The following ZMAT4 variants were observed in gnomAD, a reference collection of about 807,000 sequenced individuals.
ZMAT4 encodes zinc finger matrin-type protein 4.
A neutral mutation model predicts 28.7 loss-of-function variants in ZMAT4; 17 were observed. That is an observed-to-expected ratio of 0.59 (90% CI 0.41 to 0.89). The LOEUF (loss-of-function observed/expected upper bound fraction) is 0.89, where lower values mean the gene tolerates loss of function less well. ZMAT4 is among the 40% of genes least tolerant of loss of function. The pLI is 0.00. For missense variants in ZMAT4, 240 were observed against 283.8 expected (o/e 0.85, Z 1.11); for synonymous variants, 117 against 109.2 (o/e 1.07, Z -0.44).
At chr8:40,700,577 C>T (rs1033563369) in intron 3 of ZMAT4, among the ~76,000 whole-genome samples, 2 of 152,052 alleles carry the variant, frequency 1.3e-5, no homozygotes, top group Non-Finnish European at 2.9e-5. Context: ...TGCCACTACA[C>T]CTGGATAATA....
intron 1 of ZMAT4, among the ~76,000 whole-genome samples, chr8:40,827,640 G>A (rs1438108912): frequency 1.3e-5 from 2 of 152,220 alleles, no homozygotes; most frequent in African/African-American, 4.8e-5. Context: ...AATAATGCCT[G>A]TGGTTTTTCA....
At chr8:40,691,334 G>A (rs1809653268) in intron 4 of ZMAT4, among the ~76,000 whole-genome samples, 1 of 151,590 alleles carries the variant, frequency 6.6e-6, no homozygotes, top group Non-Finnish European at 1.5e-5. Flanking sequence ...GCTCTTGGGG[G>A]CCATTTTAAA....
At chr8:40,741,432 G>T (rs1358698692) in intron 3 of ZMAT4, among the ~76,000 whole-genome samples, 1 of 146,590 alleles carries the variant, frequency 6.8e-6, no homozygotes, top group Non-Finnish European at 1.5e-5. Flanking sequence ...GGACGAAAGA[G>T]CGGAAGTCTG....
intron 6 of ZMAT4, among the ~76,000 whole-genome samples, chr8:40,540,490 C>CAAACAAAG (rs1802994841): frequency 6.6e-6 from 1 of 152,118 alleles, no homozygotes; most frequent in Non-Finnish European, 1.5e-5. Context: ...AATTTGGGAC[C>CAAACAAAG]CTCCTAGACC....
intron 4 of ZMAT4, chr8:40,690,893 C>A: frequency 1.4e-5 from 14 of 984,804 alleles, no homozygotes; most frequent in Non-Finnish European, 1.7e-5. Context: ...ACAATACATG[C>A]AATGAATGAG....
intron 1 of ZMAT4, among the ~76,000 whole-genome samples, chr8:40,882,999 G>A (rs1818333666): frequency 6.6e-6 from 1 of 152,156 alleles, no homozygotes; most frequent in Non-Finnish European, 1.5e-5. Context: ...TGAACCCAGT[G>A]TGCTGGACCC....
chr8:40,885,394 G>A (rs1038936873), intron 1 of ZMAT4, among the ~76,000 whole-genome samples: 5 of 152,020 alleles, frequency 3.3e-5, no homozygotes, highest in South Asian at 4.1e-4. Flanking sequence ...GTTACCATCC[G>A]ACCCGAGCCA....
chr8:40,891,244 AAGGGGGAAGGGGGAGGGGGG>A (rs1818666436), intron 1 of ZMAT4, among the ~76,000 whole-genome samples: 2 of 2,122 alleles, frequency 9.4e-4, no homozygotes, highest in African/African-American at 1.7e-3. Context: ...AGAGGAGAGC[AAGGGGGAAGGGGGAGGGGGG>A]AGGGGGAAGG....
At chr8:40,600,008 C>T (rs1356517136) in intron 5 of ZMAT4, among the ~76,000 whole-genome samples, 2 of 152,224 alleles carry the variant, frequency 1.3e-5, no homozygotes, top group Non-Finnish European at 2.9e-5. Context: ...TGTTGCCATG[C>T]TTGCATGTCC....
At chr8:40,707,548 C>G (rs2150504432) in intron 3 of ZMAT4, among the ~76,000 whole-genome samples, 1 of 152,010 alleles carries the variant, frequency 6.6e-6, no homozygotes, top group East Asian at 1.9e-4. Flanking sequence ...ACTTTGTAAT[C>G]CAGAAAATAC....
At chr8:40,850,181 A>G (rs921539517) in intron 1 of ZMAT4, among the ~76,000 whole-genome samples, 4 of 152,020 alleles carry the variant, frequency 2.6e-5, no homozygotes, top group Admixed American at 6.6e-5. Flanking sequence ...CATGCGGTCA[A>G]TCAGAACCCG....
intron 6 of ZMAT4, among the ~76,000 whole-genome samples, chr8:40,532,762 T>C (rs769240925): frequency 4.6e-5 from 7 of 151,644 alleles, no homozygotes; most frequent in African/African-American, 4.9e-5. Context: ...CTTTGGGAGG[T>C]AGAGGTGGGC....
At chr8:40,888,953 C>T (rs1288716861) in intron 1 of ZMAT4, among the ~76,000 whole-genome samples, 1 of 152,212 alleles carries the variant, frequency 6.6e-6, no homozygotes. Flanking sequence ...ACTTCTAGAG[C>T]ACATGGAACC....
intron 2 of ZMAT4, among the ~76,000 whole-genome samples, chr8:40,819,149 G>T (rs1815651982): frequency 6.6e-6 from 1 of 152,002 alleles, no homozygotes; most frequent in Non-Finnish European, 1.5e-5. Flanking sequence ...GTTTTGGCAT[G>T]TCTCTGTAGG....
chr8:40,733,150 T>C (rs1177581513), intron 3 of ZMAT4, among the ~76,000 whole-genome samples: 1 of 152,116 alleles, frequency 6.6e-6, no homozygotes, highest in African/African-American at 2.4e-5. Context: ...TCCATACTTT[T>C]AACTTAAAAA....
chr8:40,682,580 G>A (rs1039136666), intron 4 of ZMAT4, among the ~76,000 whole-genome samples: 1 of 152,106 alleles, frequency 6.6e-6, no homozygotes, highest in Admixed American at 6.6e-5. Context: ...ATACCACAAA[G>A]GAAATTAAAA....
At chr8:40,640,034 T>A (rs1806951653) in intron 5 of ZMAT4, among the ~76,000 whole-genome samples, 1 of 152,166 alleles carries the variant, frequency 6.6e-6, no homozygotes, top group Non-Finnish European at 1.5e-5. Flanking sequence ...CCCTGTGCAG[T>A]GGTGAGATCA....
intron 4 of ZMAT4, among the ~76,000 whole-genome samples, chr8:40,687,121 T>C (rs1326869085): frequency 6.6e-6 from 1 of 152,150 alleles, no homozygotes; most frequent in Non-Finnish European, 1.5e-5. Flanking sequence ...AGAAAGTATA[T>C]ATAAGAGGCA....
chr8:40,601,464 G>GA (rs1563359916), intron 5 of ZMAT4, among the ~76,000 whole-genome samples: 8 of 15,622 alleles, frequency 5.1e-4, no homozygotes, highest in Admixed American at 8.5e-4. Context: ...AAGGGAGGAA[G>GA]AAAGGAAAGA....
Sources: allele counts gnomAD v4.1 joint callset (sites outside exome capture counted in the v4.1 genomes callset), GRCh38; gene constraint gnomAD v4.1.1; transcripts MANE v1.5; gene names NCBI Gene and HGNC (gene_info 2026-07-23, HGNC 2026-07-21).